The following WWP1 variants were observed in gnomAD, a reference collection of about 807,000 sequenced individuals.
WWP1 encodes the protein NEDD4-like E3 ubiquitin-protein ligase WWP1.
Under a neutral mutation model 130.6 loss-of-function variants are expected in WWP1, and 49 were observed. The ratio of observed to expected loss-of-function variants is 0.38; its 90% CI spans 0.30 to 0.48. WWP1 has a LOEUF of 0.48. Ranked by LOEUF, WWP1 falls within the 20% of genes least tolerant of loss-of-function variation. The pLI, the probability that WWP1 is intolerant of heterozygous loss-of-function variation, is 0.99. For synonymous variants in WWP1, 332 were observed against 367.8 expected, an observed-to-expected ratio of 0.90 and a Z score of 1.11; for missense variants, 809 against 1,100.6, an observed-to-expected ratio of 0.74 and a Z score of 3.75.
intron 1 of WWP1, among the ~76,000 whole-genome samples, chr8:86,353,087 G>A (rs1823037433): frequency 6.6e-6 from 1 of 152,338 alleles, no homozygotes; most frequent in Non-Finnish European, 1.5e-5. Context: ...TGACTAGAAA[G>A]TAGGTTGGTT....
At chr8:86,389,130 C>G (rs1164858290) in intron 5 of WWP1, among the ~76,000 whole-genome samples, 1 of 150,702 alleles carries the variant, frequency 6.6e-6, no homozygotes, top group East Asian at 1.9e-4. Context: ...AAGAGACATA[C>G]AAAACATATA....
chr8:86,359,062 C>T (rs1457276918), intron 1 of WWP1, among the ~76,000 whole-genome samples: 1 of 152,164 alleles, frequency 6.6e-6, no homozygotes, highest in Non-Finnish European at 1.5e-5. Flanking sequence ...TGAGAATCAC[C>T]TAGAATGCCC....
At chr8:86,414,487 G>A (rs1459996961) in intron 9 of WWP1, among the ~76,000 whole-genome samples, 2 of 152,158 alleles carry the variant, frequency 1.3e-5, no homozygotes, top group Non-Finnish European at 2.9e-5. Context: ...GAACCAAGGT[G>A]GATTCTTCTG....
At chr8:86,396,291 G>A (rs988212536) in intron 5 of WWP1, among the ~76,000 whole-genome samples, 1 of 152,042 alleles carries the variant, frequency 6.6e-6, no homozygotes, top group African/African-American at 2.4e-5. Context: ...TGTAGAGACG[G>A]GGTTTCACCA....
rs975529368 is a variant in WWP1, at chr8:86,467,153, T to C, written c.*260T>C. 7 of 303,690 alleles carry C rather than the reference T, an allele frequency of 2.3e-5. No individual in the cohort carries two copies. The highest frequency in any genetic ancestry group is 4.2e-5 in the Non-Finnish European group (7 of 165,638). 18.8% of individuals were successfully genotyped at this position (303,690 alleles called of 1,614,324 possible). The stretch of plus-strand genomic sequence containing the variant: ...TGAGAGACTTTATTAAAAATACATA[T>C]ATATCTATATAAACATATATGATAG... On this transcript the variant is annotated 3_prime_UTR_variant, in exon 25 of 25. Coordinates refer to ENST00000517970, the MANE Select transcript of WWP1 (RefSeq NM_007013.4).
chr8:86,413,165 G>A (rs1236303675), intron 9 of WWP1, among the ~76,000 whole-genome samples: 1 of 152,078 alleles, frequency 6.6e-6, no homozygotes, highest in Admixed American at 6.6e-5. Context: ...ATATGTTCAG[G>A]CCAGACTTTT....
chr8:86,348,899 G>C (rs1822754949), intron 1 of WWP1, among the ~76,000 whole-genome samples: 2 of 152,150 alleles, frequency 1.3e-5, no homozygotes. Flanking sequence ...GGGCTCAGTT[G>C]GGCAGGTTTT....
chr8:86,370,613 G>A (rs1367279391), intron 2 of WWP1, among the ~76,000 whole-genome samples: 1 of 152,066 alleles, frequency 6.6e-6, no homozygotes, highest in African/African-American at 2.4e-5. Context: ...TGGAATCATG[G>A]TGTTTTCAAA....
At chr8:86,344,286 A>G (rs561014262) in intron 1 of WWP1, among the ~76,000 whole-genome samples, 3 of 152,274 alleles carry the variant, frequency 2.0e-5, no homozygotes, top group Admixed American at 6.5e-5. Context: ...AAAATGTGAA[A>G]CTGCTGGTAA....
At chr8:86,408,251 T>C (rs1482719841) in intron 8 of WWP1, among the ~76,000 whole-genome samples, 1 of 152,226 alleles carries the variant, frequency 6.6e-6, no homozygotes, top group Admixed American at 6.5e-5. Context: ...CACTAAATAC[T>C]CACTTATTAT....
At chr8:86,354,983 A>G (rs116919189) in intron 1 of WWP1, among the ~76,000 whole-genome samples, 2 of 152,134 alleles carry the variant, frequency 1.3e-5, no homozygotes, top group Non-Finnish European at 2.9e-5. Flanking sequence ...ATTTGGTGTT[A>G]TTATCCTCAT....
intron 13 of WWP1, 46 bp from the exon 14 acceptor site, chr8:86,431,569 A>G: frequency 3.1e-6 from 5 of 1,612,042 alleles, no homozygotes; most frequent in Non-Finnish European, 4.2e-6. Context: ...AGATATTTTT[A>G]GTACCTAGAA....
At chr8:86,379,316 G>C (rs535976230) in intron 3 of WWP1, among the ~76,000 whole-genome samples, 1 of 152,228 alleles carries the variant, frequency 6.6e-6, no homozygotes, top group South Asian at 2.1e-4. Flanking sequence ...TAATTGCTAT[G>C]TTGCCGGTAC....
In WWP1 at chr8:86,459,224, C is replaced by T. The variant is rs549593808; in HGVS notation, c.2499+1199C>T. 7.4e-4 allele frequency among the ~76,000 whole-genome samples: 111 copies of T among 150,400 alleles called. 1 individual carries two copies. In the South Asian group the frequency reaches 0.016, roughly 21 times the overall value. On this transcript the variant is annotated intron_variant, in intron 22 of 24. Coordinates refer to ENST00000517970, the MANE Select transcript of WWP1 (RefSeq NM_007013.4). ...CTAGTTTTTGCATTTTTAGTAGAGA[C>T]GGGGTTTCACCATGTTGGCCAGGCT... is the stretch of plus-strand genomic sequence containing the variant.
Position 86,442,743 on chromosome 8 carries a change from T to A in WWP1, c.1963T>A (p.Ser655Thr). ...PASTINPDHL[S>T]YFCFIGRFIA... ...ATCAACCATTAATCCAGACCATCTT[T>A]CATACTTCTGTTTCATTGGTCGTTT... is the stretch of plus-strand genomic sequence containing the variant. The change falls in exon 18 of 25, where the codon TCA becomes ACA. Residue 655 changes from serine to threonine, a missense_variant. This residue lies in a region of WWP1 where 450 missense variants were observed against 674.2 expected (regional missense o/e 0.67). Transcript: ENST00000517970. 1 of 1,611,330 alleles carries A rather than the reference T, an allele frequency of 6.2e-7. No homozygotes were observed. The highest frequency in any genetic ancestry group is 8.5e-7 in the Non-Finnish European group (1 of 1,179,108).
intron 12 of WWP1, 88 bp downstream of exon 12, chr8:86,430,839 T>C (rs1456868152): frequency 5.0e-6 from 2 of 400,280 alleles, no homozygotes; most frequent in Non-Finnish European, 7.3e-6. Context: ...ATATGTTCCT[T>C]ATTTTATATA....
At chr8:86,389,920 C>T (rs540103417) in intron 5 of WWP1, among the ~76,000 whole-genome samples, 12 of 150,956 alleles carry the variant, frequency 7.9e-5, no homozygotes, top group African/African-American at 1.7e-4. Context: ...CGGGCGGAGA[C>T]GCTCCTCACT....
At chr8:86,400,876 C>T (rs760349125) in intron 7 of WWP1, among the ~76,000 whole-genome samples, 2 of 152,126 alleles carry the variant, frequency 1.3e-5, no homozygotes, top group African/African-American at 2.4e-5. Flanking sequence ...AGGAGAGTGA[C>T]GTGATGACCT....
At chr8:86,458,816 A>G (rs1811594793) in intron 22 of WWP1, among the ~76,000 whole-genome samples, 1 of 152,142 alleles carries the variant, frequency 6.6e-6, no homozygotes, top group African/African-American at 2.4e-5. Context: ...AAAGAGATGT[A>G]GACACTTCTA....
Sources: allele counts gnomAD v4.1 joint callset (sites outside exome capture counted in the v4.1 genomes callset), GRCh38; gene constraint gnomAD v4.1.1; regional missense constraint gnomAD v4.1.1; transcripts MANE v1.5; gene names NCBI Gene and HGNC (gene_info 2026-07-23, HGNC 2026-07-21).